Variants in PPFIBP1 observed in about 807,000 individuals in gnomAD.
PPFIBP1 encodes liprin-beta-1.
In PPFIBP1, 112 loss-of-function variants were observed where a neutral mutation model predicts 137.8. The observed-to-expected ratio is 0.81, with a 90% confidence interval of 0.70 to 0.95. The LOEUF is 0.95. Among genes scored for constraint, PPFIBP1 ranks in the 40% least tolerant of loss-of-function variants. The probability of loss-of-function intolerance (pLI) is 0.00; values close to 1 mark genes in which losing one functional copy is unlikely to be tolerated. For synonymous variants in PPFIBP1, 378 were observed against 417.3 expected (o/e 0.91, Z 1.15); for missense variants, 1,083 against 1,196.6 (o/e 0.91, Z 1.40).
intron 2 of PPFIBP1, among the ~76,000 whole-genome samples, chr12:27,631,753 C>T (rs528976182): frequency 2.5e-4 from 38 of 152,194 alleles, no homozygotes; most frequent in African/African-American, 9.1e-4. Context: ...CGGACTTGAA[C>T]TGTTTATGCT....
intron 9 of PPFIBP1, among the ~76,000 whole-genome samples, chr12:27,657,387 A>G (rs558930664): frequency 3.9e-5 from 6 of 151,934 alleles, no homozygotes; most frequent in African/African-American, 9.7e-5. Context: ...TGGAAATATA[A>G]TGTGCATAAT....
chr12:27,677,767 A>G (rs1565998160), intron 19 of PPFIBP1: 1 of 152,350 alleles, frequency 6.6e-6, no homozygotes. Context: ...GGTAGTTTTA[A>G]GATGAGGATA....
chr12:27,635,904 C>T (rs952271749), intron 4 of PPFIBP1: 1 of 152,116 alleles, frequency 6.6e-6, no homozygotes, highest in South Asian at 2.1e-4. Flanking sequence ...GTCACAAAAA[C>T]AGATTCAGTG....
At chr12:27,656,497 A>G (rs1174867408) in intron 8 of PPFIBP1, 119 bp from the exon 9 acceptor site, 9 of 680,412 alleles carry the variant, frequency 1.3e-5, no homozygotes, top group Non-Finnish European at 2.3e-5. Flanking sequence ...TTGCATCTAA[A>G]TTCTAGTAGA....
Position 27,584,908 on chromosome 12 carries a change from A to G in PPFIBP1, c.-36+6669A>G, listed in dbSNP as rs546051917. On this transcript the variant is annotated intron_variant, in intron 2 of 29. Coordinates refer to ENST00000228425, the MANE Select transcript of PPFIBP1 (RefSeq NM_003622.4). ...TGAATCCTAAATAAATGAATGAAAG[A>G]GCAGGGGGAATTCTTAGTGATGCCT... Among the ~76,000 whole-genome samples the G allele has an allele frequency of 3.3e-5, 5 of 152,322 alleles. No homozygotes were observed. The East Asian group carries it at 9.7e-4, about 29-fold the overall frequency.
intron 2 of PPFIBP1, among the ~76,000 whole-genome samples, chr12:27,614,390 AAG>A (rs755394900): frequency 2.0e-5 from 3 of 152,184 alleles, no homozygotes; most frequent in Non-Finnish European, 4.4e-5. Context: ...ATTTAAAAAA[AAG>A]AGAATAAAAG....
At position 27,644,244 on chromosome 12, in the gene PPFIBP1, G is replaced by GT. The variant is rs3842650; in HGVS notation, c.271-1793dup. Among the ~76,000 whole-genome samples, 455 of 117,708 alleles carry GT rather than the reference G, an allele frequency of 3.9e-3. 9 individuals carry two copies. Among genetic ancestry groups the GT allele is most frequent in the Middle Eastern group, 8.9e-3 (2 of 224 alleles). 77.2% of individuals were successfully genotyped at this position (117,708 alleles called of 152,430 possible). ...GGCGCACACCACCAAGCTTGGCTAA[G>GT]TTTTTTTTTTTTTTTTTTTTTTTTT... is the stretch of plus-strand genomic sequence containing the variant. On this transcript the variant is annotated intron_variant, in intron 4 of 29. Coordinates refer to ENST00000228425, the MANE Select transcript of PPFIBP1 (RefSeq NM_003622.4).
chr12:27,555,037 G>A (rs549784511), intron 1 of PPFIBP1, among the ~76,000 whole-genome samples: 1 of 152,180 alleles, frequency 6.6e-6, no homozygotes, highest in African/African-American at 2.4e-5. Context: ...AACAGAGGCT[G>A]GGGTGGGGCG....
intron 21 of PPFIBP1, among the ~76,000 whole-genome samples, 162 bp from the exon 22 acceptor site, chr12:27,681,384 C>A (rs1158738424): frequency 6.6e-6 from 1 of 152,194 alleles, no homozygotes; most frequent in African/African-American, 2.4e-5. Context: ...AACTTTCAAC[C>A]AGTTGTTCCT....
intron 2 of PPFIBP1, among the ~76,000 whole-genome samples, chr12:27,584,931 C>G (rs1020545973): frequency 6.6e-6 from 1 of 152,166 alleles, no homozygotes; most frequent in African/African-American, 2.4e-5. Flanking sequence ...CTTAGTGATG[C>G]CTGATGGCCC....
chr12:27,611,015 T>G (rs185551086), intron 2 of PPFIBP1, among the ~76,000 whole-genome samples: 162 of 152,320 alleles, frequency 1.1e-3, no homozygotes, highest in Middle Eastern at 3.4e-3. Flanking sequence ...GGACACTCTC[T>G]GGAGGTCATT....
At chr12:27,583,521 TG>T (rs1273100470) in intron 2 of PPFIBP1, among the ~76,000 whole-genome samples, 1 of 151,954 alleles carries the variant, frequency 6.6e-6, no homozygotes, top group Non-Finnish European at 1.5e-5. Flanking sequence ...GTGGGATTTT[TG>T]GTTCTTCATG....
intron 9 of PPFIBP1, among the ~76,000 whole-genome samples, chr12:27,658,101 C>T (rs2059326308): frequency 6.9e-6 from 1 of 145,596 alleles, no homozygotes; most frequent in African/African-American, 2.6e-5. Context: ...TGTGTCACTG[C>T]ACTTCAGCCT....
chr12:27,608,731 T>C (rs529797052), intron 2 of PPFIBP1: 1 of 335,662 alleles, frequency 3.0e-6, no homozygotes, highest in East Asian at 1.1e-4. Flanking sequence ...TAGTGTATGA[T>C]ATCAGTCAGA....
rs745774304 is a variant in PPFIBP1, at chr12:27,574,120, G to A, written c.-123-4032G>A. Among the ~76,000 whole-genome samples the A allele has an allele frequency of 1.3e-4, 20 of 152,270 alleles. No individual in the cohort carries two copies. The South Asian group carries it at 1.7e-3, about 13-fold the overall frequency. Reference sequence around the variant, plus strand: ...TAAACCTATCTTTCAGTACAGAAGGGCACTGAGTCACATTTAGGTGACATA... The same window carrying A: ...TAAACCTATCTTTCAGTACAGAAGGACACTGAGTCACATTTAGGTGACATA... On this transcript the variant is annotated intron_variant, in intron 1 of 29. Transcript: ENST00000228425.
intron 15 of PPFIBP1, 88 bp from the exon 16 acceptor site, chr12:27,673,679 G>T (rs545089172): frequency 2.7e-6 from 3 of 1,109,386 alleles, no homozygotes; most frequent in Non-Finnish European, 4.0e-6. Context: ...CAACCCACAC[G>T]CAATTTTAGT....
intron 1 of PPFIBP1, among the ~76,000 whole-genome samples, chr12:27,570,440 AC>A (rs2050044098): frequency 1.3e-5 from 2 of 152,146 alleles, no homozygotes; most frequent in Admixed American, 6.5e-5. Context: ...TTCAAATTCT[AC>A]CCTCTAAGTC....
chr12:27,544,417 C>T (rs182271593), intron 1 of PPFIBP1, among the ~76,000 whole-genome samples: 134 of 152,228 alleles, frequency 8.8e-4, no homozygotes, highest in Middle Eastern at 3.4e-3. Context: ...AAAGATCTTC[C>T]GTACAGCAAA....
Position 27,692,876 on chromosome 12 carries a change from C to A in PPFIBP1, c.3012C>A (p.Asn1004Lys). Residue 1004 changes from asparagine to lysine, a missense_variant, in exon 30 of 30, where the codon AAC becomes AAA. Transcript: ENST00000228425. Reference protein sequence around the residue: ...PSASITDEDSNV With the variant: ...PSASITDEDSKV ...CCAGCATTACAGATGAAGACTCAAACGTTTGACCGTAGCACCTGGATGAAC... is the reference window on the plus strand; with the variant it reads ...CCAGCATTACAGATGAAGACTCAAAAGTTTGACCGTAGCACCTGGATGAAC... The A allele has an allele frequency of 1.2e-6, 2 of 1,614,106 alleles. No individual in the cohort carries two copies. Among genetic ancestry groups the A allele is most frequent in the Non-Finnish European group, 1.7e-6 (2 of 1,180,000 alleles).
Sources: gnomAD v4.1 joint callset for allele counts (sites outside exome capture counted in the v4.1 genomes callset) on GRCh38, gnomAD v4.1.1 for gene constraint, MANE v1.5 for transcripts, NCBI Gene and HGNC (gene_info 2026-07-23, HGNC 2026-07-21) for gene names.